Variants in STT3B observed in about 807,000 individuals in gnomAD.
STT3B encodes the protein STT3 oligosaccharyltransferase complex catalytic subunit B.
A neutral mutation model predicts 96.8 loss-of-function variants in STT3B; 29 were observed. That is an observed-to-expected ratio of 0.30 (90% CI 0.22 to 0.41). The LOEUF (loss-of-function observed/expected upper bound fraction) is 0.41, where lower values mean the gene tolerates loss of function less well. Among genes scored for constraint, STT3B ranks in the 10% least tolerant of loss-of-function variants. The pLI, the probability that STT3B is intolerant of heterozygous loss-of-function variation, is 1.00. For missense variants in STT3B, 640 were observed against 1,022.3 expected (o/e 0.63, Z 5.10); for synonymous variants, 367 against 360.0 (o/e 1.02, Z -0.22).
rs748393172 is a variant in STT3B, at chr3:31,580,106, A to G, written c.711+10A>G. On this transcript the variant is annotated intron_variant, in intron 3 of 15. Coordinates refer to ENST00000295770, the MANE Select transcript of STT3B (RefSeq NM_178862.3). ...CACATACTATTTATGGGTAAGTGAC[A>G]TTTAATGTTTTGCTGCCATTATTAC... The G allele has an allele frequency of 1.2e-6, 2 of 1,602,664 alleles. No individual in the cohort carries two copies. The highest frequency in any genetic ancestry group is 4.5e-5 in the East Asian group (2 of 44,592).
intron 5 of STT3B, among the ~76,000 whole-genome samples, chr3:31,601,066 T>C (rs1698917388): frequency 6.6e-6 from 1 of 152,150 alleles, no homozygotes; most frequent in Non-Finnish European, 1.5e-5. Flanking sequence ...AATTCTATTA[T>C]AATAATGTTT....
chr3:31,536,731 G>GT (rs1165072616), intron 1 of STT3B, among the ~76,000 whole-genome samples: 1 of 152,160 alleles, frequency 6.6e-6, no homozygotes, highest in East Asian at 1.9e-4. Context: ...CTTCACTTTA[G>GT]TAATTCCTCC....
At position 31,625,094 on chromosome 3, in the gene STT3B, T is replaced by G; in HGVS notation, c.1899+9T>G. On this transcript the variant is annotated intron_variant, in intron 12 of 15. Coordinates refer to ENST00000295770, the MANE Select transcript of STT3B (RefSeq NM_178862.3). ...ACAGCCACATAGCACTGGTAAGGAT[T>G]TACTAAATACAAGGTTAAAAAATCT... The G allele has an allele frequency of 6.2e-7, 1 of 1,606,842 alleles. No homozygotes were observed.
At chr3:31,559,136 T>A in intron 1 of STT3B, among the ~76,000 whole-genome samples, 1 of 140,364 alleles carries the variant, frequency 7.1e-6, no homozygotes, top group Non-Finnish European at 1.5e-5. Flanking sequence ...TTTGTTTCAT[T>A]GATTCTTGGG....
At chr3:31,537,331 A>G (rs2125432927) in intron 1 of STT3B, among the ~76,000 whole-genome samples, 1 of 152,320 alleles carries the variant, frequency 6.6e-6, no homozygotes, top group Admixed American at 6.5e-5. Flanking sequence ...TCAGTTCTGA[A>G]GAAGACAAAT....
chr3:31,542,773 A>T (rs1439923971), intron 1 of STT3B, among the ~76,000 whole-genome samples: 1 of 152,156 alleles, frequency 6.6e-6, no homozygotes, highest in Admixed American at 6.5e-5. Context: ...TTGACTGTTA[A>T]GAAAAATTCC....
At chr3:31,547,801 C>T (rs191042073) in intron 1 of STT3B, among the ~76,000 whole-genome samples, 1 of 152,312 alleles carries the variant, frequency 6.6e-6, no homozygotes, top group African/African-American at 2.4e-5. Flanking sequence ...TCCCAACCTT[C>T]AAATTAGGAA....
At chr3:31,609,237 C>T (rs1699129339) in intron 5 of STT3B, among the ~76,000 whole-genome samples, 1 of 152,070 alleles carries the variant, frequency 6.6e-6, no homozygotes, top group Non-Finnish European at 1.5e-5. Context: ...GTTTGTTTTA[C>T]TCTCTTCTTT....
chr3:31,619,242 G>A (rs983276177), intron 8 of STT3B, among the ~76,000 whole-genome samples: 6 of 152,102 alleles, frequency 3.9e-5, no homozygotes, highest in African/African-American at 1.4e-4. Context: ...ATGCTGAACT[G>A]GTAAGTATAA....
rs753416887 is a variant in STT3B at position 31,615,136 on chromosome 3, A to G, written c.909A>G (p.Ile303Met). Residue 303 changes from isoleucine (I) to methionine (M), a missense_variant, in exon 6 of 16, where the codon ATA (isoleucine) becomes ATG (methionine). This residue lies in a region of STT3B where 267 missense variants were observed against 388.3 expected (regional missense o/e 0.69). Coordinates refer to ENST00000295770, the MANE Select transcript of STT3B (RefSeq NM_178862.3). ...AYSTFYIVGL[I>M]LSMQIPFVGF... ...GCACTTTCTACATTGTGGGTTTAAT[A>G]TTATCAATGCAGATACCTTTTGTGG... The G allele has an allele frequency of 1.9e-6, 3 of 1,610,794 alleles. No individual in the cohort carries two copies. The highest frequency in any genetic ancestry group is 2.5e-6 in the Non-Finnish European group (3 of 1,177,700).
chr3:31,589,874 C>T (rs972738954), intron 3 of STT3B, among the ~76,000 whole-genome samples: 2 of 151,750 alleles, frequency 1.3e-5, no homozygotes, highest in Admixed American at 6.6e-5. Flanking sequence ...TCTAACATCA[C>T]GTTGGACAGG....
At position 31,587,804 on chromosome 3, in the gene STT3B, C is replaced by T. The variant is rs1443407924; in HGVS notation, c.711+7708C>T. Among the ~76,000 whole-genome samples the T allele has an allele frequency of 2.6e-5, 4 of 152,132 alleles. No individual in the cohort carries two copies. In the East Asian group the frequency reaches 7.7e-4, roughly 29 times the overall value. On this transcript the variant is annotated intron_variant, in intron 3 of 15. Transcript: ENST00000295770. ...ATAAGAATTGCACAGAGTTTTTATG[C>T]TCTATTTTAATTTTCTAGCTCAGAT...
chr3:31,635,948 A>G, intron 15 of STT3B, 36 bp from the exon 16 acceptor site: 1 of 1,494,494 alleles, frequency 6.7e-7, no homozygotes, highest in Non-Finnish European at 9.2e-7. Context: ...TCAGTAAGAA[A>G]CCTGCATTAA....
intron 1 of STT3B, among the ~76,000 whole-genome samples, chr3:31,562,240 G>A (rs1055644161): frequency 1.3e-5 from 2 of 152,136 alleles, no homozygotes; most frequent in Admixed American, 6.5e-5. Flanking sequence ...CAACTCCCTG[G>A]AACCTAAGTG....
intron 5 of STT3B, among the ~76,000 whole-genome samples, chr3:31,610,262 G>A (rs1353237871): frequency 1.3e-5 from 2 of 152,098 alleles, no homozygotes; most frequent in Non-Finnish European, 2.9e-5. Flanking sequence ...TTATAATAAA[G>A]CAAAATTGGT....
At chr3:31,602,551 T>G (rs1698952736) in intron 5 of STT3B, among the ~76,000 whole-genome samples, 1 of 152,060 alleles carries the variant, frequency 6.6e-6, no homozygotes, top group South Asian at 2.1e-4. Flanking sequence ...TGGAAGTATA[T>G]TCTACATAAA....
chr3:31,581,473 GA>G (rs1221045332), intron 3 of STT3B, among the ~76,000 whole-genome samples: 1 of 151,866 alleles, frequency 6.6e-6, no homozygotes, highest in Non-Finnish European at 1.5e-5. Flanking sequence ...AAAATACAAA[GA>G]AAAAAATCAC....
intron 4 of STT3B, among the ~76,000 whole-genome samples, chr3:31,598,370 A>ATC (rs1273344586): frequency 6.6e-6 from 1 of 152,198 alleles, no homozygotes; most frequent in Non-Finnish European, 1.5e-5. Flanking sequence ...AACAGTCATT[A>ATC]TCTAAACAGT....
At chr3:31,576,557 G>A in intron 2 of STT3B, 53 bp downstream of exon 2, 8 of 1,093,926 alleles carry the variant, frequency 7.3e-6, no homozygotes, top group Non-Finnish European at 1.0e-5. Context: ...TGTTACTTGA[G>A]TAAATCATTA....
Sources: gnomAD v4.1 joint callset for allele counts (sites outside exome capture counted in the v4.1 genomes callset) on GRCh38, gnomAD v4.1.1 for gene constraint, gnomAD v4.1.1 regional missense constraint, MANE v1.5 for transcripts, NCBI Gene and HGNC (gene_info 2026-07-23, HGNC 2026-07-21) for gene names.